Variants in VWA8 observed in about 807,000 individuals in gnomAD.
VWA8 encodes von Willebrand factor A domain containing 8.
In VWA8, 221 loss-of-function variants were observed where a neutral mutation model predicts 241.5. That is an observed-to-expected ratio of 0.91 (90% CI 0.82 to 1.02). The LOEUF (loss-of-function observed/expected upper bound fraction) is 1.02, where lower values mean the gene tolerates loss of function less well. Among genes scored for constraint, VWA8 ranks in the 50% least tolerant of loss-of-function variants. The pLI is 0.00. For missense variants in VWA8, 2,322 were observed against 2,328.7 expected, an observed-to-expected ratio of 1.00 and a Z score of 0.06; for synonymous variants, 852 against 827.1, an observed-to-expected ratio of 1.03 and a Z score of -0.52.
At chr13:41,849,557 A>C (rs2138027342) in intron 12 of VWA8, among the ~76,000 whole-genome samples, 1 of 152,300 alleles carries the variant, frequency 6.6e-6, no homozygotes, top group Non-Finnish European at 1.5e-5. Flanking sequence ...GATTTCCCTA[A>C]GACTCCTAAT....
chr13:41,799,621 C>T (rs1048879990), intron 17 of VWA8, among the ~76,000 whole-genome samples: 2 of 152,110 alleles, frequency 1.3e-5, no homozygotes, highest in Non-Finnish European at 2.9e-5. Context: ...CAGCCACGTC[C>T]GTTGTCCCCA....
chr13:41,736,279 T>C (rs1410088976), intron 21 of VWA8, among the ~76,000 whole-genome samples: 2 of 152,202 alleles, frequency 1.3e-5, no homozygotes, highest in South Asian at 2.1e-4. Context: ...CCTGTGTCAA[T>C]AAAGGCGCTG....
intron 17 of VWA8, among the ~76,000 whole-genome samples, chr13:41,804,415 T>C (rs1049503955): frequency 6.6e-6 from 1 of 151,504 alleles, no homozygotes; most frequent in African/African-American, 2.4e-5. Flanking sequence ...CCAGCAAAAA[T>C]ATCCTTCAAA....
intron 37 of VWA8, among the ~76,000 whole-genome samples, chr13:41,622,249 G>C (rs1205695640): frequency 6.6e-6 from 1 of 152,104 alleles, no homozygotes; most frequent in Non-Finnish European, 1.5e-5. Flanking sequence ...GTCCAACCCA[G>C]GACAGAAAGA....
intron 23 of VWA8, among the ~76,000 whole-genome samples, chr13:41,729,020 A>T (rs1253360054): frequency 6.6e-6 from 1 of 152,046 alleles, no homozygotes; most frequent in Non-Finnish European, 1.5e-5. Context: ...AGATTAATCT[A>T]TCTTCATTTT....
chr13:41,726,592 C>T (rs1448214595), intron 24 of VWA8, among the ~76,000 whole-genome samples: 1 of 152,006 alleles, frequency 6.6e-6, no homozygotes, highest in Non-Finnish European at 1.5e-5. Context: ...CCAAGAGGTC[C>T]TAAACAACAA....
chr13:41,594,451 A>G (rs563067843), intron 40 of VWA8, among the ~76,000 whole-genome samples: 1 of 152,300 alleles, frequency 6.6e-6, no homozygotes, highest in East Asian at 1.9e-4. Context: ...TCACAACTGT[A>G]GTAAAAATAA....
chr13:41,697,932 T>C (rs1016842868), intron 29 of VWA8, among the ~76,000 whole-genome samples: 8 of 152,176 alleles, frequency 5.3e-5, no homozygotes, highest in Non-Finnish European at 1.2e-4. Flanking sequence ...TCTTTAAAGA[T>C]GAAGAGGCAT....
intron 9 of VWA8, among the ~76,000 whole-genome samples, chr13:41,881,857 T>C (rs1485795347): frequency 2.2e-5 from 3 of 133,512 alleles, no homozygotes; most frequent in Non-Finnish European, 3.2e-5. Flanking sequence ...GGCGGGGGGC[T>C]GACCCCCCCA....
In VWA8 at chr13:41,568,790, C is replaced by CT. The variant is rs200927172; in HGVS notation, c.5610-486dup. Among the ~76,000 whole-genome samples the CT allele has an allele frequency of 1.7e-3, 265 of 152,070 alleles. 1 individual carries two copies. The highest frequency in any genetic ancestry group is 6.8e-3 in the Middle Eastern group (2 of 294). On this transcript the variant is annotated intron_variant, in intron 44 of 44. Transcript: ENST00000379310. ...TTTCTCTCTTTCTTTGCCTCTCTCT[C>CT]TTTTTTTTGGTCCACATCACACAAT...
At chr13:41,573,619 GGT>G (rs149927326) in intron 43 of VWA8, among the ~76,000 whole-genome samples, 17 of 99,304 alleles carry the variant, frequency 1.7e-4, no homozygotes, top group Admixed American at 2.2e-4. Flanking sequence ...GCATATATAT[GGT>G]GTGTGTGTGT....
intron 37 of VWA8, among the ~76,000 whole-genome samples, chr13:41,642,766 T>C (rs1566399302): frequency 6.8e-6 from 1 of 146,260 alleles, no homozygotes; most frequent in Non-Finnish European, 1.5e-5. Context: ...CCATCTCTAC[T>C]AAAAATAAGA....
At chr13:41,804,656 T>C (rs988725684) in intron 17 of VWA8, among the ~76,000 whole-genome samples, 2 of 152,184 alleles carry the variant, frequency 1.3e-5, no homozygotes, top group Non-Finnish European at 2.9e-5. Flanking sequence ...AAACTACTTA[T>C]AACTTGAGTA....
rs375231769 is a variant in VWA8, at chr13:41,616,919, G to A, written c.4612-1835C>T. On this transcript the variant is annotated intron_variant, in intron 37 of 44. Coordinates refer to ENST00000379310, the MANE Select transcript of VWA8 (RefSeq NM_015058.2). ...GATGTACTCCATGAGAAATGAGAAG[G>A]ACAAAGAACATTTCAAAACTGGTAC... Among the ~76,000 whole-genome samples, 62 of 152,162 alleles carry A rather than the reference G, an allele frequency of 4.1e-4. 1 individual carries two copies. The South Asian group carries it at 0.011, about 28-fold the overall frequency.
At chr13:41,812,401 C>T (rs1391428855) in intron 16 of VWA8, among the ~76,000 whole-genome samples, 1 of 152,120 alleles carries the variant, frequency 6.6e-6, no homozygotes, top group Non-Finnish European at 1.5e-5. Flanking sequence ...TTTGAAGCAA[C>T]TGGACCTTTG....
chr13:41,789,265 A>T (rs1869345656), intron 17 of VWA8, among the ~76,000 whole-genome samples: 1 of 151,752 alleles, frequency 6.6e-6, no homozygotes, highest in South Asian at 2.1e-4. Context: ...TTTTTTACTT[A>T]TTTTTTCCCT....
chr13:41,697,767 C>A (rs1167965134), intron 29 of VWA8, among the ~76,000 whole-genome samples: 2 of 152,170 alleles, frequency 1.3e-5, no homozygotes, highest in African/African-American at 4.8e-5. Context: ...AGGCCAGGAG[C>A]CAATACTGGT....
At chr13:41,608,536 C>T (rs1188403600) in intron 39 of VWA8, among the ~76,000 whole-genome samples, 1 of 152,082 alleles carries the variant, frequency 6.6e-6, no homozygotes, top group Non-Finnish European at 1.5e-5. Context: ...TTTATTGTTA[C>T]GTAAGAGTCT....
intron 18 of VWA8, among the ~76,000 whole-genome samples, chr13:41,786,593 A>G (rs6561016): frequency 0.19 from 29,127 of 152,050 alleles, 3,515 homozygotes; most frequent in Non-Finnish European, 0.26. Flanking sequence ...TTGAGAATAC[A>G]ATATTATTCC....
Sources: gnomAD v4.1 joint callset for allele counts (sites outside exome capture counted in the v4.1 genomes callset) on GRCh38, gnomAD v4.1.1 for gene constraint, MANE v1.5 for transcripts, NCBI Gene and HGNC (gene_info 2026-07-23, HGNC 2026-07-21) for gene names.